ITGBL1: variants seen among roughly 807,000 people sequenced by gnomAD.
ITGBL1 encodes the protein integrin subunit beta like 1.
Under a neutral mutation model 68.5 loss-of-function variants are expected in ITGBL1, and 51 were observed. That is an observed-to-expected ratio of 0.74 (90% CI 0.59 to 0.94). The LOEUF (loss-of-function observed/expected upper bound fraction) is 0.94, where lower values mean the gene tolerates loss of function less well. Among genes scored for constraint, ITGBL1 ranks in the 40% least tolerant of loss-of-function variants. ITGBL1 has a pLI of 0.00. For missense variants in ITGBL1, 649 were observed against 647.4 expected, an observed-to-expected ratio of 1.00 and a Z score of -0.03; for synonymous variants, 209 against 227.3, an observed-to-expected ratio of 0.92 and a Z score of 0.72.
intron 2 of ITGBL1, among the ~76,000 whole-genome samples, chr13:101,533,772 C>A (rs79997012): frequency 3.7e-4 from 52 of 141,306 alleles, no homozygotes; most frequent in African/African-American, 1.3e-3. Context: ...CTAAGCATCT[C>A]TTGGCTAAGG....
chr13:101,479,700 G>T (rs1594835032), intron 2 of ITGBL1, among the ~76,000 whole-genome samples: 2 of 152,164 alleles, frequency 1.3e-5, no homozygotes, highest in Middle Eastern at 6.8e-3. Flanking sequence ...ACAGGCATAT[G>T]AAAAGGTGCT....
intron 5 of ITGBL1, 118 bp downstream of exon 5, chr13:101,579,545 C>T: frequency 9.6e-7 from 1 of 1,039,074 alleles, no homozygotes; most frequent in Admixed American, 2.9e-5. Context: ...TAACCATTTA[C>T]TTTGATGTAA....
intron 2 of ITGBL1, among the ~76,000 whole-genome samples, chr13:101,565,521 A>G (rs1332913264): frequency 6.6e-6 from 1 of 152,154 alleles, no homozygotes; most frequent in African/African-American, 2.4e-5. Context: ...CTTTGCCTCC[A>G]AACAGATGCT....
At chr13:101,657,912 G>T (rs1405376994) in intron 7 of ITGBL1, among the ~76,000 whole-genome samples, 1 of 152,180 alleles carries the variant, frequency 6.6e-6, no homozygotes, top group African/African-American at 2.4e-5. Context: ...CCTTTGGGTA[G>T]CACACAAGAG....
At chr13:101,542,218 C>G (rs952551688) in intron 2 of ITGBL1, among the ~76,000 whole-genome samples, 4 of 152,200 alleles carry the variant, frequency 2.6e-5, no homozygotes, top group African/African-American at 9.7e-5. Flanking sequence ...CCTGTACACA[C>G]TACTTTGAAT....
intron 7 of ITGBL1, among the ~76,000 whole-genome samples, chr13:101,632,259 A>C (rs1357500732): frequency 6.6e-6 from 1 of 152,158 alleles, no homozygotes; most frequent in African/African-American, 2.4e-5. Context: ...GGACTTTATC[A>C]GATGTTACAA....
intron 4 of ITGBL1, among the ~76,000 whole-genome samples, 173 bp from the exon 5 acceptor site, chr13:101,579,114 G>A: frequency 6.6e-6 from 1 of 152,190 alleles, no homozygotes; most frequent in Non-Finnish European, 1.5e-5. Context: ...AGCAGGTATA[G>A]GCACAACCAT....
At chr13:101,523,515 T>C (rs2049321037) in intron 2 of ITGBL1, among the ~76,000 whole-genome samples, 1 of 152,182 alleles carries the variant, frequency 6.6e-6, no homozygotes, top group Non-Finnish European at 1.5e-5. Flanking sequence ...TTATTGACAG[T>C]GAACCTTCTG....
chr13:101,697,032 C>T (rs183215029), intron 8 of ITGBL1, among the ~76,000 whole-genome samples: 75 of 137,470 alleles, frequency 5.5e-4, no homozygotes, highest in African/African-American at 1.6e-3. Flanking sequence ...AGGAAAATAT[C>T]GATTTCATTT....
chr13:101,705,319 C>G (rs1022520947), intron 8 of ITGBL1, among the ~76,000 whole-genome samples: 1 of 132,712 alleles, frequency 7.5e-6, no homozygotes, highest in African/African-American at 2.8e-5. Flanking sequence ...ACAACAACAA[C>G]AAAAAAAAAT....
chr13:101,622,611 A>G (rs1272843306), intron 7 of ITGBL1, among the ~76,000 whole-genome samples: 1 of 152,194 alleles, frequency 6.6e-6, no homozygotes, highest in Non-Finnish European at 1.5e-5. Context: ...TAAAACCTAG[A>G]ATCTAGCAAA....
intron 7 of ITGBL1, among the ~76,000 whole-genome samples, chr13:101,600,001 G>A (rs963667246): frequency 6.6e-6 from 1 of 152,146 alleles, no homozygotes; most frequent in Non-Finnish European, 1.5e-5. Flanking sequence ...GATGGCGATG[G>A]CATTGAATCT....
intron 2 of ITGBL1, among the ~76,000 whole-genome samples, chr13:101,560,685 T>A (rs2050085389): frequency 6.6e-6 from 1 of 152,256 alleles, no homozygotes; most frequent in South Asian, 2.1e-4. Flanking sequence ...CTCTGTATGC[T>A]GTTTTAAAAT....
At chr13:101,569,064 A>ACACACACACACT (rs2050229391) in intron 3 of ITGBL1, among the ~76,000 whole-genome samples, 5 of 130,040 alleles carry the variant, frequency 3.8e-5, no homozygotes, top group Non-Finnish European at 8.2e-5. Flanking sequence ...ACACACACAC[A>ACACACACACACT]CACACACTTC....
chr13:101,657,300 T>G (rs2032956083), intron 7 of ITGBL1, among the ~76,000 whole-genome samples: 1 of 152,224 alleles, frequency 6.6e-6, no homozygotes, highest in Non-Finnish European at 1.5e-5. Context: ...TAAAATGATT[T>G]ATTAATATTT....
intron 2 of ITGBL1, among the ~76,000 whole-genome samples, chr13:101,510,001 T>C (rs2049089771): frequency 6.6e-6 from 1 of 152,148 alleles, no homozygotes; most frequent in Non-Finnish European, 1.5e-5. Flanking sequence ...ATTTCTCTTT[T>C]TTTTCTTTAG....
intron 2 of ITGBL1, among the ~76,000 whole-genome samples, chr13:101,478,514 T>C (rs938170381): frequency 6.6e-6 from 1 of 151,968 alleles, no homozygotes; most frequent in South Asian, 2.1e-4. Context: ...ATAATGTTCA[T>C]CCACATGGGA....
At chr13:101,519,389 A>G (rs116266660) in intron 2 of ITGBL1, among the ~76,000 whole-genome samples, 2,247 of 152,176 alleles carry the variant, frequency 0.015, 64 homozygotes, top group African/African-American at 0.051. Flanking sequence ...TAAAATCTTA[A>G]TTAGGTTAAA....
intron 2 of ITGBL1, among the ~76,000 whole-genome samples, chr13:101,567,189 A>G (rs1423997186): frequency 1.3e-5 from 2 of 152,182 alleles, no homozygotes; most frequent in Non-Finnish European, 2.9e-5. Context: ...TACGTATTTT[A>G]TGTCCATATT....
Sources: gnomAD v4.1 joint callset for allele counts (sites outside exome capture counted in the v4.1 genomes callset) on GRCh38, gnomAD v4.1.1 for gene constraint, MANE v1.5 for transcripts, NCBI Gene and HGNC (gene_info 2026-07-23, HGNC 2026-07-21) for gene names.